The following CDH13 variants were observed in gnomAD, a reference collection of about 807,000 sequenced individuals.
CDH13 encodes the protein cadherin 13.
Under a neutral mutation model 63.8 loss-of-function variants are expected in CDH13, and 24 were observed. That is an observed-to-expected ratio of 0.38 (90% CI 0.27 to 0.53). The LOEUF (loss-of-function observed/expected upper bound fraction) is 0.53. Ranked by LOEUF, CDH13 falls within the 20% of genes least tolerant of loss-of-function variation. CDH13 has a pLI of 0.85. For missense variants in CDH13, 1,049 were observed against 903.1 expected, an observed-to-expected ratio of 1.16 and a Z score of -2.07; for synonymous variants, 503 against 355.3, an observed-to-expected ratio of 1.42 and a Z score of -4.67.
intron 5 of CDH13, among the ~76,000 whole-genome samples, chr16:83,337,186 G>C (rs79397778): frequency 6.6e-6 from 1 of 152,116 alleles, no homozygotes; most frequent in Non-Finnish European, 1.5e-5. Flanking sequence ...ATTGTTTTGC[G>C]TACTGTGACT....
chr16:83,103,490 C>T (rs2034613730), intron 3 of CDH13, among the ~76,000 whole-genome samples: 1 of 152,036 alleles, frequency 6.6e-6, no homozygotes, highest in Admixed American at 6.6e-5. Context: ...AAGTGATCCA[C>T]CCACCTCGGC....
intron 3 of CDH13, among the ~76,000 whole-genome samples, chr16:83,112,371 A>G (rs1394942644): frequency 6.6e-6 from 1 of 152,240 alleles, no homozygotes; most frequent in Non-Finnish European, 1.5e-5. Flanking sequence ...AGGGAGACAG[A>G]GACAGAGACA....
intron 3 of CDH13, among the ~76,000 whole-genome samples, chr16:83,046,330 T>G (rs1917780259): frequency 6.6e-6 from 1 of 152,200 alleles, no homozygotes; most frequent in African/African-American, 2.4e-5. Flanking sequence ...ATATTGTATG[T>G]AGGCGGCCAT....
chr16:83,276,948 C>T (rs2089008608), intron 5 of CDH13, among the ~76,000 whole-genome samples: 1 of 152,096 alleles, frequency 6.6e-6, no homozygotes, highest in Non-Finnish European at 1.5e-5. Context: ...GGAACTCCCC[C>T]TTATAAAACC....
At chr16:82,995,573 C>T (rs1912116519) in intron 2 of CDH13, among the ~76,000 whole-genome samples, 1 of 152,150 alleles carries the variant, frequency 6.6e-6, no homozygotes, top group Admixed American at 6.5e-5. Flanking sequence ...GACTGCCAAC[C>T]TAGACTCTTA....
intron 11 of CDH13, among the ~76,000 whole-genome samples, chr16:83,755,820 G>T (rs991529592): frequency 6.6e-6 from 1 of 150,630 alleles, no homozygotes; most frequent in Non-Finnish European, 1.5e-5. Context: ...ATTTCAGGCA[G>T]AGGGAAAATG....
intron 2 of CDH13, among the ~76,000 whole-genome samples, chr16:83,003,338 C>A (rs1342544314): frequency 6.6e-6 from 1 of 151,724 alleles, no homozygotes; most frequent in East Asian, 1.9e-4. Flanking sequence ...AGCTTTGTGA[C>A]TCCAGGTAGC....
At chr16:82,863,960 G>T (rs185934850) in intron 2 of CDH13, among the ~76,000 whole-genome samples, 2 of 152,116 alleles carry the variant, frequency 1.3e-5, no homozygotes, top group African/African-American at 4.8e-5. Context: ...AAACACTACC[G>T]CCATTTACTT....
At chr16:82,971,106 C>T (rs1908674960) in intron 2 of CDH13, among the ~76,000 whole-genome samples, 1 of 152,196 alleles carries the variant, frequency 6.6e-6, no homozygotes, top group Non-Finnish European at 1.5e-5. Flanking sequence ...ACAGCCAGGC[C>T]TCAACCAAAG....
chr16:82,725,908 G>A (rs2033069465), intron 1 of CDH13, among the ~76,000 whole-genome samples: 1 of 152,134 alleles, frequency 6.6e-6, no homozygotes. Context: ...TAAGGCCTGA[G>A]GTTATGTGGC....
intron 7 of CDH13, among the ~76,000 whole-genome samples, chr16:83,583,445 A>G (rs1314507559): frequency 6.6e-6 from 1 of 152,188 alleles, no homozygotes; most frequent in Non-Finnish European, 1.5e-5. Flanking sequence ...TCTGTCCAGG[A>G]TTTATTGCAC....
intron 7 of CDH13, among the ~76,000 whole-genome samples, chr16:83,545,336 T>G (rs2075367054): frequency 6.6e-6 from 1 of 152,230 alleles, no homozygotes; most frequent in Non-Finnish European, 1.5e-5. Context: ...TGTGCTAAAT[T>G]AGATATTTAC....
At chr16:83,525,463 G>A (rs2074940313) in intron 7 of CDH13, among the ~76,000 whole-genome samples, 1 of 152,236 alleles carries the variant, frequency 6.6e-6, no homozygotes, top group South Asian at 2.1e-4. Context: ...ATTTGTAAAT[G>A]CTATGTTATA....
intron 1 of CDH13, among the ~76,000 whole-genome samples, chr16:82,721,586 G>C (rs1486250280): frequency 1.3e-5 from 2 of 152,140 alleles, no homozygotes; most frequent in Non-Finnish European, 2.9e-5. Context: ...AAAGAAAGCA[G>C]TCGGCAAAGA....
At chr16:82,834,660 C>T (rs1243423523) in intron 1 of CDH13, among the ~76,000 whole-genome samples, 6 of 152,140 alleles carry the variant, frequency 3.9e-5, no homozygotes, top group African/African-American at 1.4e-4. Context: ...GGTCAGCCCC[C>T]TTGTCTGCCT....
chr16:83,543,407 CA>C (rs1477472521), intron 7 of CDH13, among the ~76,000 whole-genome samples: 3 of 152,106 alleles, frequency 2.0e-5, no homozygotes, highest in Non-Finnish European at 4.4e-5. Context: ...TAACAATCTA[CA>C]AAATGTTGTG....
chr16:82,768,692 G>A (rs933999877), intron 1 of CDH13, among the ~76,000 whole-genome samples: 4 of 152,188 alleles, frequency 2.6e-5, no homozygotes, highest in African/African-American at 9.7e-5. Flanking sequence ...GCTTAGGTCT[G>A]TTTACAGCTC....
intron 1 of CDH13, among the ~76,000 whole-genome samples, chr16:82,822,476 A>G (rs768855258): frequency 7.9e-5 from 12 of 152,166 alleles, no homozygotes; most frequent in Non-Finnish European, 1.6e-4. Context: ...CATTTTTTTA[A>G]AAAAATAGTT....
intron 3 of CDH13, among the ~76,000 whole-genome samples, chr16:83,115,275 C>T (rs2035239707): frequency 6.6e-6 from 1 of 152,210 alleles, no homozygotes; most frequent in Non-Finnish European, 1.5e-5. Flanking sequence ...CATGGTGGTT[C>T]TGCCAGCAAG....
Sources: gnomAD v4.1 joint callset for allele counts (sites outside exome capture counted in the v4.1 genomes callset) on GRCh38, gnomAD v4.1.1 for gene constraint, MANE v1.5 for transcripts, NCBI Gene and HGNC (gene_info 2026-07-23, HGNC 2026-07-21) for gene names.